Variants in NTM observed in about 807,000 individuals in gnomAD.
NTM encodes IgLON family member 2.
In NTM, 13 loss-of-function variants were observed where a neutral mutation model predicts 42.1. The observed-to-expected ratio is 0.31, with a 90% CI of 0.20 to 0.49. NTM has a LOEUF of 0.49. NTM is among the 20% of genes least tolerant of loss of function. The probability of loss-of-function intolerance (pLI) is 0.99; values close to 1 mark genes in which losing one functional copy is unlikely to be tolerated. For missense variants in NTM, 373 were observed against 452.8 expected (o/e 0.82, Z 1.60); for synonymous variants, 187 against 179.2 (o/e 1.04, Z -0.35).
intron 2 of NTM, among the ~76,000 whole-genome samples, chr11:132,040,683 T>G (rs1222620196): frequency 2.0e-5 from 3 of 152,244 alleles, no homozygotes; most frequent in Admixed American, 2.0e-4. Context: ...CAGTCTATTA[T>G]AACACTTATA....
chr11:131,790,811 C>A lies in NTM; in HGVS notation c.83-120753C>A, dbSNP rs184040475. 1.1e-4 allele frequency among the ~76,000 whole-genome samples: 16 copies of A among 152,274 alleles called. No individual in the cohort carries two copies. In the East Asian group the frequency reaches 2.9e-3, roughly 28 times the overall value. On this transcript the variant is annotated intron_variant, in intron 1 of 8. Transcript: ENST00000683400. ...TAGCATCAGAATTGCCCTTTGGTCC[C>A]AGATGTGTGAGTCAAGAGGCACAGA...
chr11:131,686,729 C>T (rs917985716), intron 1 of NTM, among the ~76,000 whole-genome samples: 2 of 152,230 alleles, frequency 1.3e-5, no homozygotes. Flanking sequence ...GGCTCAGTCC[C>T]ACCTGAATAC....
intron 1 of NTM, among the ~76,000 whole-genome samples, chr11:131,786,968 T>G (rs1038596530): frequency 2.0e-5 from 3 of 151,962 alleles, no homozygotes; most frequent in Non-Finnish European, 4.4e-5. Flanking sequence ...AAACTCTGGC[T>G]TCCTATAAAC....
At chr11:131,398,193 C>T (rs1335557381) in intron 1 of NTM, among the ~76,000 whole-genome samples, 2 of 152,024 alleles carry the variant, frequency 1.3e-5, no homozygotes, top group African/African-American at 2.4e-5. Flanking sequence ...TTTCACGAAT[C>T]GATTATATCA....
intron 4 of NTM, among the ~76,000 whole-genome samples, chr11:132,238,242 G>T (rs1440699975): frequency 6.6e-6 from 1 of 152,118 alleles, no homozygotes; most frequent in Non-Finnish European, 1.5e-5. Flanking sequence ...AAGGTTACAG[G>T]TGAGCGAGCC....
At chr11:131,988,671 G>T (rs528012336) in intron 2 of NTM, among the ~76,000 whole-genome samples, 1 of 152,096 alleles carries the variant, frequency 6.6e-6, no homozygotes, top group African/African-American at 2.4e-5. Flanking sequence ...TCAGAGATTC[G>T]CTAGAGAAAT....
chr11:131,629,645 G>A (rs2063464064), intron 1 of NTM, among the ~76,000 whole-genome samples: 2 of 152,176 alleles, frequency 1.3e-5, no homozygotes. Flanking sequence ...TCACCCTGGA[G>A]GATGCATGGC....
At chr11:132,015,132 C>T (rs941591495) in intron 2 of NTM, among the ~76,000 whole-genome samples, 4 of 151,802 alleles carry the variant, frequency 2.6e-5, no homozygotes, top group African/African-American at 9.7e-5. Context: ...TTTTCAGCAC[C>T]AATTATTGAA....
At chr11:132,131,772 A>G (rs1359886173) in intron 2 of NTM, among the ~76,000 whole-genome samples, 1 of 152,190 alleles carries the variant, frequency 6.6e-6, no homozygotes, top group Non-Finnish European at 1.5e-5. Flanking sequence ...TCCCTGCGGC[A>G]AAAAGAGTGA....
At chr11:131,469,892 G>A (rs774182447) in intron 1 of NTM, among the ~76,000 whole-genome samples, 2 of 152,224 alleles carry the variant, frequency 1.3e-5, no homozygotes, top group East Asian at 3.8e-4. Flanking sequence ...TTTATAGCAT[G>A]AGGGGATTCA....
intron 4 of NTM, among the ~76,000 whole-genome samples, chr11:132,243,409 T>C (rs2090545331): frequency 6.6e-6 from 1 of 152,184 alleles, no homozygotes; most frequent in African/African-American, 2.4e-5. Flanking sequence ...GTCGAGGCAT[T>C]GACAGTGCCA....
chr11:131,398,082 C>T (rs1944751515), intron 1 of NTM, among the ~76,000 whole-genome samples: 1 of 152,198 alleles, frequency 6.6e-6, no homozygotes, highest in Admixed American at 6.5e-5. Flanking sequence ...TTTCACATGG[C>T]TACTTTCCCC....
intron 1 of NTM, among the ~76,000 whole-genome samples, chr11:131,529,142 G>A (rs568486833): frequency 4.6e-5 from 7 of 152,260 alleles, no homozygotes; most frequent in Admixed American, 3.9e-4. Context: ...CAGATGTTTT[G>A]GACAGGTCAG....
At chr11:132,285,437 T>C (rs534123613) in intron 4 of NTM, among the ~76,000 whole-genome samples, 1 of 152,258 alleles carries the variant, frequency 6.6e-6, no homozygotes, top group South Asian at 2.1e-4. Flanking sequence ...ACCAACTCTG[T>C]TTTTCTAAGT....
At chr11:131,760,255 T>C (rs1275850684) in intron 1 of NTM, among the ~76,000 whole-genome samples, 1 of 152,156 alleles carries the variant, frequency 6.6e-6, no homozygotes, top group Non-Finnish European at 1.5e-5. Context: ...GATTCATGCA[T>C]ATTGCGGTTG....
intron 1 of NTM, among the ~76,000 whole-genome samples, chr11:131,796,467 A>T (rs1371543279): frequency 6.6e-6 from 1 of 152,230 alleles, no homozygotes; most frequent in Non-Finnish European, 1.5e-5. Context: ...TGCCAGTATG[A>T]AGGGCCTTTG....
chr11:131,660,574 A>G (rs1375980062), intron 1 of NTM: 5 of 457,628 alleles, frequency 1.1e-5, no homozygotes, highest in South Asian at 1.5e-5. Context: ...GCGGCTCCTC[A>G]TGCCTCGAAA....
At chr11:131,652,836 C>T (rs559822849) in intron 1 of NTM, among the ~76,000 whole-genome samples, 161 of 152,324 alleles carry the variant, frequency 1.1e-3, no homozygotes, top group African/African-American at 3.6e-3. Context: ...CCAGACCCTC[C>T]GATCAGGAAG....
chr11:131,825,457 T>A (rs779078106), intron 1 of NTM, among the ~76,000 whole-genome samples: 2 of 152,118 alleles, frequency 1.3e-5, no homozygotes, highest in Admixed American at 1.3e-4. Context: ...TAGCACTTGA[T>A]GTCTTTGGCT....
Sources: gnomAD v4.1 joint callset for allele counts (sites outside exome capture counted in the v4.1 genomes callset) on GRCh38, gnomAD v4.1.1 for gene constraint, MANE v1.5 for transcripts, NCBI Gene and HGNC (gene_info 2026-07-23, HGNC 2026-07-21) for gene names.